The following TLR10 variants were observed in gnomAD, a reference collection of about 807,000 sequenced individuals.
TLR10 encodes toll-like receptor 10.
For missense variants in TLR10, 929 were observed against 932.9 expected, an observed-to-expected ratio of 1.00 and a Z score of 0.05; for synonymous variants, 288 against 338.8, an observed-to-expected ratio of 0.85 and a Z score of 1.65.
In TLR10 at chr4:38,775,576, T is replaced by G. The variant is rs1725012251; in HGVS notation, c.15A>C (p.Arg5Ser). 6.2e-7 allele frequency: 1 copy of G among 1,606,148 alleles called. No individual in the cohort carries two copies. Among genetic ancestry groups the G allele is most frequent in the Non-Finnish European group, 8.5e-7 (1 of 1,175,628 alleles). The change falls in exon 4 of 4, where the codon AGA becomes AGC. Residue 5 changes from arginine to serine, a missense_variant. By Grantham distance (110) the Arg-to-Ser change is moderately radical. Coordinates refer to ENST00000308973, the MANE Select transcript of TLR10 (RefSeq NM_030956.4). MRLIRNIYIFCSIVM... is the reference protein window; with the variant it reads MRLISNIYIFCSIVM... ...CAATACTACAAAATATGTAAATGTT[T>G]CTGATGAGTCTCATTGTATTTCCAA...
intron 1 of TLR10, among the ~76,000 whole-genome samples, chr4:38,776,811 C>T (rs1161969540): frequency 1.3e-5 from 2 of 152,150 alleles, no homozygotes; most frequent in African/African-American, 4.8e-5. Flanking sequence ...AGAGAGACTG[C>T]AAACAAAACA....
chr4:38,773,805 A>G lies in TLR10; in HGVS notation c.1786T>C (p.Phe596Leu). 6.3e-7 allele frequency: 1 copy of G among 1,596,266 alleles called. No homozygotes were observed. The highest frequency in any genetic ancestry group is 8.5e-7 in the Non-Finnish European group (1 of 1,172,232). The change falls in exon 4 of 4, where the codon TTC (phenylalanine) becomes CTC (leucine). Residue 596 changes from phenylalanine (F) to leucine (L), a missense_variant. Coordinates refer to ENST00000308973, the MANE Select transcript of TLR10 (RefSeq NM_030956.4). ...GGCAGATCAAAGTGGAGACAGCAGA[A>G]GGCCACAGCCAACCCCAGAACTAGC... ...IMLVLGLAVA[F>L]CCLHFDLPWY...
At chr4:38,777,136 A>T (rs1725103476) in intron 1 of TLR10, among the ~76,000 whole-genome samples, 1 of 152,158 alleles carries the variant, frequency 6.6e-6, no homozygotes. Context: ...TATTGTCTTG[A>T]AGGAAAAATA....
At chr4:38,778,928 A>C (rs1725228998) in intron 1 of TLR10, 1 of 152,192 alleles carries the variant, frequency 6.6e-6, no homozygotes, top group African/African-American at 2.4e-5. Context: ...CAGGGTAACA[A>C]AGGTGGGGCA....
Position 38,774,459 on chromosome 4 carries a change from T to G in TLR10, c.1132A>C (p.Ile378Leu). The G allele has an allele frequency of 1.2e-6, 2 of 1,610,118 alleles. No individual in the cohort carries two copies. Among genetic ancestry groups the G allele is most frequent in the Admixed American group, 3.4e-5 (2 of 59,008 alleles). ...GTCTCCAGTTTATTGCCATTCAAAA[T>G]GAGAGTTTTCAAGTGAGGCAGTTGG... ...TIQLPHLKTL[I>L]LNGNKLETLS... The change falls in exon 4 of 4, where the codon ATT (isoleucine) becomes CTT (leucine). Residue 378 changes from isoleucine to leucine, a missense_variant. By Grantham distance (5) the Ile-to-Leu change is conservative (BLOSUM62 2). Transcript: ENST00000308973.
At position 38,775,191 on chromosome 4, in the gene TLR10, T is replaced by C. The variant is rs149359474; in HGVS notation, c.400A>G (p.Ile134Val). ...GACATGTTGCCAGCTTCCTCACAGA[T>C]AGGCATGGTGTCAAAGTCATTAAAA... ...LSFNDFDTMP[I>V]CEEAGNMSHL... The change falls in exon 4 of 4, where the codon ATC (isoleucine) becomes GTC (valine). Residue 134 changes from isoleucine (I) to valine (V), a missense_variant. Physicochemically the swap from Ile to Val is conservative, Grantham distance 29. Coordinates refer to ENST00000308973, the MANE Select transcript of TLR10 (RefSeq NM_030956.4). 1 of 1,613,782 alleles carries C rather than the reference T, an allele frequency of 6.2e-7. No homozygotes were observed. Among genetic ancestry groups the C allele is most frequent in the African/African-American group, 1.3e-5 (1 of 75,032 alleles).
At position 38,774,648 on chromosome 4, in the gene TLR10, G is replaced by A; in HGVS notation, c.943C>T (p.Gln315Ter). The A allele has an allele frequency of 6.4e-7, 1 of 1,569,832 alleles. No homozygotes were observed. Among genetic ancestry groups the A allele is most frequent in the Non-Finnish European group, 8.6e-7 (1 of 1,163,436 alleles). Residue 315 changes from glutamine (Q) to a stop codon, truncating the protein, a stop_gained, in exon 4 of 4, where the codon CAA (glutamine) becomes TAA (stop). Coordinates refer to ENST00000308973, the MANE Select transcript of TLR10 (RefSeq NM_030956.4). LOFTEE classifies it low-confidence loss of function (END_TRUNC). The part of the protein sequence containing the change: ...EHVHFRVFYI[Q>*]QDKIYLLLTK... Reference sequence around the variant, plus strand: ...AAAAGCAAATAGATTTTATCCTGTTGAATGTAAAACACTCTGAAATGTACA... The same window carrying A: ...AAAAGCAAATAGATTTTATCCTGTTAAATGTAAAACACTCTGAAATGTACA...
intron 1 of TLR10, among the ~76,000 whole-genome samples, chr4:38,779,999 T>G (rs1579183520): frequency 6.6e-6 from 1 of 152,240 alleles, no homozygotes; most frequent in African/African-American, 2.4e-5. Context: ...AATTTCAACG[T>G]TTTAATCCTT....
intron 1 of TLR10, among the ~76,000 whole-genome samples, chr4:38,781,881 T>C (rs984343917): frequency 1.3e-5 from 2 of 152,198 alleles, no homozygotes; most frequent in Non-Finnish European, 2.9e-5. Flanking sequence ...ATTACCTTGT[T>C]TAATCCCTCA....
At position 38,772,959 on chromosome 4, in the gene TLR10, CT is replaced by C; in HGVS notation, c.*195del. The stretch of plus-strand genomic sequence containing the variant: ...TTATAAACAATCCTGGGATGAACAC[CT>C]TTTTCCATAAGCCCTTATAAACTTG... On this transcript the variant is annotated 3_prime_UTR_variant, in exon 4 of 4. Transcript: ENST00000308973. 12 of 453,348 alleles carry C rather than the reference CT, an allele frequency of 2.6e-5. No individual in the cohort carries two copies. The highest frequency in any genetic ancestry group is 7.3e-5 in the South Asian group (1 of 13,654). The allele number at this position is 453,348 out of a possible 1,614,324, so 28.1% of individuals were successfully genotyped here.
chr4:38,773,958 C>G lies in TLR10; in HGVS notation c.1633G>C (p.Val545Leu). Residue 545 changes from valine (V) to leucine (L), a missense_variant, in exon 4 of 4, where the codon GTT (valine) becomes CTT (leucine). Transcript: ENST00000308973. ...QLETYSEVMM[V>L]GWSDSYTCEY... is the part of the protein sequence containing the mutation. ...CAGGTGTATGAATCTGACCATCCAACCATCATGACCTCTGAATATGTTTCA... is the reference window on the plus strand; with the variant it reads ...CAGGTGTATGAATCTGACCATCCAAGCATCATGACCTCTGAATATGTTTCA... 1 of 1,579,682 alleles carries G rather than the reference C, an allele frequency of 6.3e-7. No homozygotes were observed. Among genetic ancestry groups the G allele is most frequent in the Non-Finnish European group, 8.6e-7 (1 of 1,161,778 alleles).
At position 38,773,066 on chromosome 4, in the gene TLR10, A is replaced by T; in HGVS notation, c.*89T>A. On this transcript the variant is annotated 3_prime_UTR_variant, in exon 4 of 4. Transcript: ENST00000308973. ...GGGAATAACCATTTTTTATTTTAAT[A>T]AATATTGTCAAATTGCCATCATAAA... 8.0e-7 allele frequency: 1 copy of T among 1,243,446 alleles called. No individual in the cohort carries two copies. The allele number at this position is 1,243,446 out of a possible 1,614,324, so 77.0% of individuals were successfully genotyped here. A position where few individuals can be genotyped will look rare whatever the true frequency, so the allele number is the denominator to read the frequency against.
chr4:38,781,979 A>C (rs192043089), intron 1 of TLR10, among the ~76,000 whole-genome samples: 9 of 152,330 alleles, frequency 5.9e-5, no homozygotes, highest in Admixed American at 5.9e-4. Context: ...GCCCAAGATG[A>C]CCAACTGAAG....
chr4:38,773,884 G>T lies in TLR10; in HGVS notation c.1707C>A (p.Leu569=). The change falls in exon 4 of 4, where the codon CTC becomes CTA. Residue 569 remains leucine (L), a synonymous_variant. Coordinates refer to ENST00000308973, the MANE Select transcript of TLR10 (RefSeq NM_030956.4). The part of the protein sequence containing the change: ...LRGTRLKDVH[L]HELSCNTALL... ...GAGCTGTGTTGCAAGATAATTCGTGGAGATGAACGTCTTTTAACCTAGTTC... is the reference window on the plus strand; with the variant it reads ...GAGCTGTGTTGCAAGATAATTCGTGTAGATGAACGTCTTTTAACCTAGTTC... 1 of 1,593,332 alleles carries T rather than the reference G, an allele frequency of 6.3e-7. No individual in the cohort carries two copies. Among genetic ancestry groups the T allele is most frequent in the East Asian group, 2.2e-5 (1 of 44,758 alleles).
chr4:38,777,163 C>T (rs1038939800), intron 1 of TLR10, among the ~76,000 whole-genome samples: 1 of 152,094 alleles, frequency 6.6e-6, no homozygotes, highest in African/African-American at 2.4e-5. Flanking sequence ...ATAAGGGAAA[C>T]AGAGAGAGAC....
In TLR10 at chr4:38,773,634, T is replaced by A; in HGVS notation, c.1957A>T (p.Ile653Phe). ...HDSLWVKNEL[I>F]PNLEKEDGSI... is the part of the protein sequence containing the mutation. ...CCATCTTCCTTCTCTAGATTGGGGATCAATTCATTCTTCACCCACAGAGAA... is the reference window on the plus strand; with the variant it reads ...CCATCTTCCTTCTCTAGATTGGGGAACAATTCATTCTTCACCCACAGAGAA... The change falls in exon 4 of 4, where the codon ATC becomes TTC. Residue 653 changes from isoleucine to phenylalanine, a missense_variant. Transcript: ENST00000308973. The A allele has an allele frequency of 1.2e-6, 2 of 1,603,590 alleles. No homozygotes were observed. Among genetic ancestry groups the A allele is most frequent in the Non-Finnish European group, 1.7e-6 (2 of 1,175,108 alleles).
rs1367037457 is a variant in TLR10 at position 38,774,551 on chromosome 4, G to T, written c.1040C>A (p.Pro347His). 1 of 1,591,574 alleles carries T rather than the reference G, an allele frequency of 6.3e-7. No individual in the cohort carries two copies. Among genetic ancestry groups the T allele is most frequent in the Non-Finnish European group, 8.5e-7 (1 of 1,172,356 alleles). The change falls in exon 4 of 4, where the codon CCT becomes CAT. Residue 347 changes from proline (P) to histidine (H), a missense_variant. Transcript: ENST00000308973. ...QMPHMLFPNY[P>H]TKFQYLNFAN... is the part of the protein sequence containing the mutation. ...AAAATTTAAATATTGGAATTTCGTA[G>T]GATAATTCGGGAAAAGCATGTGTGG...
Position 38,777,676 on chromosome 4 carries a change from C to T in TLR10, c.-568-1250G>A, listed in dbSNP as rs574896050. 3.9e-5 allele frequency among the ~76,000 whole-genome samples: 6 copies of T among 152,196 alleles called. No individual in the cohort carries two copies. The South Asian group carries it at 1.2e-3, about 32-fold the overall frequency. ...CACTTCTCAAAAGAAGACATTTATGCAGCCAACAAACATATGAAAAAAAGC... is the reference window on the plus strand; with the variant it reads ...CACTTCTCAAAAGAAGACATTTATGTAGCCAACAAACATATGAAAAAAAGC... On this transcript the variant is annotated intron_variant, in intron 1 of 3. Coordinates refer to ENST00000308973, the MANE Select transcript of TLR10 (RefSeq NM_030956.4).
chr4:38,777,866 T>C (rs1308760346), intron 1 of TLR10, among the ~76,000 whole-genome samples: 1 of 152,130 alleles, frequency 6.6e-6, no homozygotes, highest in Non-Finnish European at 1.5e-5. Flanking sequence ...GTAAATTAGC[T>C]CAACAATTGT....
Sources: allele counts gnomAD v4.1 joint callset (sites outside exome capture counted in the v4.1 genomes callset), GRCh38; gene constraint gnomAD v4.1.1; transcripts MANE v1.5; gene names NCBI Gene and HGNC (gene_info 2026-07-23, HGNC 2026-07-21).